Variants in GMDS observed in about 807,000 individuals in gnomAD.
GMDS encodes GDP-mannose 4,6-dehydratase, also known as GDP-mannose 4,6 dehydratase.
Under a neutral mutation model 49.9 loss-of-function variants are expected in GMDS, and 20 were observed. That is an observed-to-expected ratio of 0.40 (90% CI 0.28 to 0.58). The LOEUF (loss-of-function observed/expected upper bound fraction) is 0.58, where lower values mean the gene tolerates loss of function less well. Among genes scored for constraint, GMDS ranks in the 20% least tolerant of loss-of-function variants. The pLI, the probability that GMDS is intolerant of heterozygous loss-of-function variation, is 0.42. For synonymous variants in GMDS, 177 were observed against 178.6 expected (o/e 0.99, Z 0.07); for missense variants, 362 against 481.4 (o/e 0.75, Z 2.32).
chr6:1,742,430 C>A, intron 8 of GMDS, 38 bp downstream of exon 8: 1 of 1,166,392 alleles, frequency 8.6e-7, no homozygotes, highest in Non-Finnish European at 1.3e-6. Flanking sequence ...GCATACCTGC[C>A]AGAGAGCTAC....
At chr6:1,953,846 A>T (rs896798483) in intron 6 of GMDS, among the ~76,000 whole-genome samples, 2 of 152,132 alleles carry the variant, frequency 1.3e-5, no homozygotes, top group Non-Finnish European at 2.9e-5. Flanking sequence ...ACCTCTCAAT[A>T]TTTTCCCCAT....
chr6:1,930,991 G>T (rs1762260032), intron 6 of GMDS: 1 of 152,162 alleles, frequency 6.6e-6, no homozygotes, highest in African/African-American at 2.4e-5. Context: ...CACTGAAATT[G>T]TTTTAATGTT....
At chr6:1,811,008 G>C (rs1222628125) in intron 7 of GMDS, among the ~76,000 whole-genome samples, 1 of 151,682 alleles carries the variant, frequency 6.6e-6, no homozygotes, top group Admixed American at 6.6e-5. Context: ...CCCTCTCCCA[G>C]TATTGCTGTA....
chr6:1,847,341 A>G (rs1204141291), intron 7 of GMDS, among the ~76,000 whole-genome samples: 1 of 152,186 alleles, frequency 6.6e-6, no homozygotes, highest in Non-Finnish European at 1.5e-5. Flanking sequence ...GAGCCACGGC[A>G]CCTGCCCTAG....
rs924549908 is a variant in GMDS at position 1,635,243 on chromosome 6, G to T, written c.988-10703C>A. ...GCTGAGCAAGTCTGCTTAGCTCTGG[G>T]AAAGGGGCTCCGTTTCACATGTCCT... On this transcript the variant is annotated intron_variant, in intron 9 of 10. Transcript: ENST00000380815. The surrounding 1 kb of genome is among the most constrained non-coding windows in gnomAD (Gnocchi z 4.7). Among the ~76,000 whole-genome samples the T allele has an allele frequency of 7.9e-5, 12 of 152,170 alleles. No homozygotes were observed. Among genetic ancestry groups the T allele is most frequent in the Admixed American group, 5.9e-4 (9 of 15,278 alleles).
At chr6:2,187,447 GCT>G (rs1778826501) in intron 1 of GMDS, among the ~76,000 whole-genome samples, 1 of 152,190 alleles carries the variant, frequency 6.6e-6, no homozygotes, top group African/African-American at 2.4e-5. Context: ...GAAGTAGTGA[GCT>G]CTGAGACAAA....
intron 6 of GMDS, among the ~76,000 whole-genome samples, chr6:1,946,598 A>T (rs912204288): frequency 6.6e-6 from 1 of 152,228 alleles, no homozygotes; most frequent in African/African-American, 2.4e-5. Flanking sequence ...ACACTTCTCA[A>T]TAAGAATTTG....
intron 7 of GMDS, among the ~76,000 whole-genome samples, chr6:1,847,662 A>G (rs553678953): frequency 1.3e-5 from 2 of 152,294 alleles, no homozygotes; most frequent in Admixed American, 1.3e-4. Context: ...TCATAGATAG[A>G]AATATTAATA....
intron 7 of GMDS, among the ~76,000 whole-genome samples, chr6:1,929,046 T>C (rs1762162580): frequency 6.6e-6 from 1 of 152,212 alleles, no homozygotes; most frequent in South Asian, 2.1e-4. Flanking sequence ...TCAAAGCTAA[T>C]TATTTTGTGC....
chr6:1,762,350 G>A (rs561079070), intron 7 of GMDS, among the ~76,000 whole-genome samples: 1 of 152,206 alleles, frequency 6.6e-6, no homozygotes, highest in Non-Finnish European at 1.5e-5. Context: ...TCCTGCTGAC[G>A]GGTTACTCAC....
intron 4 of GMDS, among the ~76,000 whole-genome samples, chr6:1,970,413 C>T (rs1304281457): frequency 6.6e-6 from 1 of 152,088 alleles, no homozygotes; most frequent in Non-Finnish European, 1.5e-5. Flanking sequence ...CAGATCTTTC[C>T]CCCGCCCCCG....
intron 7 of GMDS, among the ~76,000 whole-genome samples, chr6:1,832,757 G>T (rs1756721752): frequency 6.6e-6 from 1 of 151,892 alleles, no homozygotes. Flanking sequence ...ACACATTTCA[G>T]AAAGCATATC....
chr6:1,637,899 A>G (rs542844734), intron 9 of GMDS, among the ~76,000 whole-genome samples: 21 of 152,280 alleles, frequency 1.4e-4, no homozygotes, highest in African/African-American at 4.8e-4. Flanking sequence ...GTGCCACTCG[A>G]GGTGGATCCT....
intron 1 of GMDS, among the ~76,000 whole-genome samples, chr6:2,127,825 A>C (rs1775537006): frequency 6.6e-6 from 1 of 152,226 alleles, no homozygotes; most frequent in African/African-American, 2.4e-5. Context: ...CTCCTCTTGA[A>C]GCACAGAGCT....
At chr6:2,084,750 G>A (rs941645757) in intron 4 of GMDS, among the ~76,000 whole-genome samples, 3 of 152,122 alleles carry the variant, frequency 2.0e-5, no homozygotes, top group African/African-American at 4.8e-5. Flanking sequence ...CTTGTGATCC[G>A]CCCGCCTCAG....
At chr6:1,907,868 G>A (rs982705381) in intron 7 of GMDS, among the ~76,000 whole-genome samples, 1 of 152,174 alleles carries the variant, frequency 6.6e-6, no homozygotes. Context: ...ATGTTCCAAA[G>A]TCCCCGGTGG....
chr6:2,245,180 T>C, intron 1 of GMDS, 141 bp downstream of exon 1: 2 of 640,470 alleles, frequency 3.1e-6, no homozygotes, highest in African/African-American at 1.9e-5. Context: ...GTACCTTCCG[T>C]CCCACCTCCC....
chr6:1,808,705 A>C (rs1343911060), intron 7 of GMDS, among the ~76,000 whole-genome samples: 1 of 152,226 alleles, frequency 6.6e-6, no homozygotes, highest in African/African-American at 2.4e-5. Context: ...TAATGTTGCC[A>C]TTTAGAAAAA....
At chr6:1,645,539 C>T (rs1039222352) in intron 9 of GMDS, among the ~76,000 whole-genome samples, 19 of 152,352 alleles carry the variant, frequency 1.2e-4, no homozygotes, top group Non-Finnish European at 2.5e-4. Flanking sequence ...GTTCCCTGTG[C>T]TGTCCTTGCC....
Sources: gnomAD v4.1 joint callset for allele counts (sites outside exome capture counted in the v4.1 genomes callset) on GRCh38, gnomAD v4.1.1 for gene constraint, Gnocchi (gnomAD v3.1) non-coding constraint, MANE v1.5 for transcripts, NCBI Gene and HGNC (gene_info 2026-07-23, HGNC 2026-07-21) for gene names.